The following PCDH7 variants were observed in gnomAD, a reference collection of about 807,000 sequenced individuals.
The protein encoded by PCDH7 is protocadherin 7.
PCDH7 carries 17 observed loss-of-function variants against 58.9 expected under a neutral mutation model. The ratio of observed to expected loss-of-function variants is 0.29; its 90% CI spans 0.20 to 0.43. PCDH7 has a LOEUF of 0.43. Among genes scored for constraint, PCDH7 ranks in the 20% least tolerant of loss-of-function variants. The pLI is 1.00. For missense variants in PCDH7, 1,274 were observed against 1,441.0 expected (o/e 0.88, Z 1.88); for synonymous variants, 664 against 616.4 (o/e 1.08, Z -1.14).
chr4:30,833,774 C>T (rs946065253), intron 1 of PCDH7, among the ~76,000 whole-genome samples: 9 of 152,142 alleles, frequency 5.9e-5, no homozygotes, highest in African/African-American at 9.7e-5. Context: ...TAAGAAACTG[C>T]GTTGTTACAT....
chr4:31,128,752 C>T (rs1042054688), intron 3 of PCDH7, among the ~76,000 whole-genome samples: 9 of 152,178 alleles, frequency 5.9e-5, no homozygotes, highest in African/African-American at 2.2e-4. Context: ...GCACCCTGCT[C>T]CCTAGGCTGG....
intron 3 of PCDH7, among the ~76,000 whole-genome samples, chr4:31,130,258 G>GATCA (rs1718812071): frequency 6.6e-6 from 1 of 151,828 alleles, no homozygotes; most frequent in Non-Finnish European, 1.5e-5. Flanking sequence ...TGAGCTGTTT[G>GATCA]TACTTTACTG....
chr4:30,913,703 T>G (rs967739760), intron 1 of PCDH7, among the ~76,000 whole-genome samples: 10 of 152,170 alleles, frequency 6.6e-5, no homozygotes, highest in Non-Finnish European at 1.5e-5. Flanking sequence ...TGCAATAATA[T>G]CATTAGAACA....
At chr4:31,064,918 G>A (rs892502142) in intron 3 of PCDH7, among the ~76,000 whole-genome samples, 1 of 151,824 alleles carries the variant, frequency 6.6e-6, no homozygotes, top group African/African-American at 2.4e-5. Flanking sequence ...TTATTTCATA[G>A]CTTATTTCAT....
chr4:31,116,555 G>C (rs760877793), intron 3 of PCDH7, among the ~76,000 whole-genome samples: 1 of 152,150 alleles, frequency 6.6e-6, no homozygotes, highest in Non-Finnish European at 1.5e-5. Flanking sequence ...TGATGGGGCT[G>C]CTTGAGAAAC....
At chr4:30,780,616 C>T (rs1057013972) in intron 1 of PCDH7, among the ~76,000 whole-genome samples, 6 of 151,998 alleles carry the variant, frequency 3.9e-5, no homozygotes, top group African/African-American at 7.2e-5. Flanking sequence ...AGAACAGGCT[C>T]TTCTAGAGCA....
intron 3 of PCDH7, among the ~76,000 whole-genome samples, chr4:30,982,765 T>C (rs1428088275): frequency 6.6e-6 from 1 of 152,124 alleles, no homozygotes; most frequent in African/African-American, 2.4e-5. Context: ...ATCCACTCTT[T>C]CCGTTGTATG....
At chr4:30,724,483 G>C (rs373185043) in exon 1 of PCDH7, 1 of 1,613,876 alleles carries the variant, frequency 6.2e-7, no homozygotes, top group African/African-American at 1.3e-5. Context: ...ACACCAGGCC[G>C]TACAAGATCT....
At chr4:30,810,563 G>A (rs1577895694) in intron 1 of PCDH7, among the ~76,000 whole-genome samples, 2 of 150,450 alleles carry the variant, frequency 1.3e-5, no homozygotes, top group African/African-American at 2.4e-5. Context: ...TTTAAAAAAC[G>A]TCTTCTCATT....
In PCDH7 at chr4:31,060,254, A is replaced by G. The variant is rs573713288; in HGVS notation, c.*8-82219A>G. Among the ~76,000 whole-genome samples the G allele has an allele frequency of 3.0e-4, 45 of 151,908 alleles. 2 individuals carry two copies. The highest frequency in any genetic ancestry group is 9.4e-4 in the African/African-American group (39 of 41,548). ...TGAAAGTAGATATCTTTGTATGATA[A>G]TAAATTACTTCCCTTAGCATTTAAA... On this transcript the variant is annotated intron_variant, in intron 3 of 3. Coordinates refer to the PCDH7 transcript ENST00000509759.
At position 30,889,137 on chromosome 4, in the gene PCDH7, C is replaced by CAAAAAAAAAAAAAAAAAAAAA. The variant is rs371917620; in HGVS notation, c.71-30997_71-30996insAAAAAAAAAAAAAAAAAAAAA. ...CAGAGGTTGTGGTGAGCAGATATCT[C>CAAAAAAAAAAAAAAAAAAAAA]AAAAAAAAAAAAAAAAAAAGCAAAA... On this transcript the variant is annotated intron_variant, in intron 1 of 3. Transcript: ENST00000509759. Among the ~76,000 whole-genome samples, 43 of 49,964 alleles carry CAAAAAAAAAAAAAAAAAAAAA rather than the reference C, an allele frequency of 8.6e-4. 2 individuals are homozygous for CAAAAAAAAAAAAAAAAAAAAA. Among genetic ancestry groups the CAAAAAAAAAAAAAAAAAAAAA allele is most frequent in the Non-Finnish European group, 1.3e-3 (33 of 25,460 alleles). The allele number at this position is 49,964 out of a possible 152,430, so 32.8% of individuals were successfully genotyped here. A position where few individuals can be genotyped will look rare whatever the true frequency, so the allele number is the denominator to read the frequency against.
chr4:31,004,446 A>T (rs1411683212), intron 3 of PCDH7, among the ~76,000 whole-genome samples: 1 of 152,152 alleles, frequency 6.6e-6, no homozygotes, highest in Non-Finnish European at 1.5e-5. Context: ...GTGGTGGCTT[A>T]CACCTGTAAT....
intron 3 of PCDH7, among the ~76,000 whole-genome samples, chr4:31,114,914 G>C (rs1050690370): frequency 6.6e-6 from 1 of 152,056 alleles, no homozygotes; most frequent in Non-Finnish European, 1.5e-5. Flanking sequence ...AGCAGAAAAG[G>C]GTTCTTTCTT....
intron 3 of PCDH7, among the ~76,000 whole-genome samples, chr4:31,050,188 C>T (rs1306905834): frequency 6.6e-6 from 1 of 152,120 alleles, no homozygotes; most frequent in Non-Finnish European, 1.5e-5. Context: ...GAAGAGTACC[C>T]TCAGGCAGGC....
At chr4:30,835,699 G>A (rs1318566205) in intron 1 of PCDH7, among the ~76,000 whole-genome samples, 2 of 152,030 alleles carry the variant, frequency 1.3e-5, no homozygotes, top group Non-Finnish European at 2.9e-5. Flanking sequence ...ACTTTGGGCC[G>A]CTCACAGCCA....
intron 1 of PCDH7, among the ~76,000 whole-genome samples, chr4:30,753,214 AC>A (rs1462943016): frequency 6.6e-6 from 1 of 152,146 alleles, no homozygotes; most frequent in Non-Finnish European, 1.5e-5. Flanking sequence ...ACTTCTCCAT[AC>A]AGAGTCTTTT....
intron 3 of PCDH7, among the ~76,000 whole-genome samples, chr4:30,953,513 T>C (rs1747563536): frequency 6.6e-6 from 1 of 152,032 alleles, no homozygotes; most frequent in Non-Finnish European, 1.5e-5. Context: ...ACAGTTTATG[T>C]TCTTATATTT....
intron 1 of PCDH7, among the ~76,000 whole-genome samples, chr4:30,823,539 T>C (rs1322997565): frequency 1.3e-5 from 2 of 152,110 alleles, no homozygotes; most frequent in African/African-American, 4.8e-5. Context: ...CAGATACTGC[T>C]GAGATTACAA....
At chr4:31,019,674 C>T (rs974849427) in intron 3 of PCDH7, among the ~76,000 whole-genome samples, 2 of 149,098 alleles carry the variant, frequency 1.3e-5, no homozygotes, top group African/African-American at 5.0e-5. Flanking sequence ...GGGGACAGAG[C>T]GAGACTCTGT....
Sources: allele counts gnomAD v4.1 joint callset (sites outside exome capture counted in the v4.1 genomes callset), GRCh38; gene constraint gnomAD v4.1.1; transcripts MANE v1.5; gene names NCBI Gene and HGNC (gene_info 2026-07-23, HGNC 2026-07-21).